The following AGMO variants were observed in gnomAD, a reference collection of about 807,000 sequenced individuals.
AGMO encodes glyceryl-ether monooxygenase.
In AGMO, 75 loss-of-function variants were observed where a neutral mutation model predicts 60.2. The ratio of observed to expected loss-of-function variants is 1.25; its 90% CI spans 1.03 to 1.51. AGMO has a LOEUF of 1.51. Ranked by LOEUF, AGMO falls within the 40% of genes most tolerant of loss-of-function variation. AGMO has a pLI of 0.00. For missense variants in AGMO, 763 were observed against 525.5 expected (o/e 1.45, Z -4.42); for synonymous variants, 261 against 177.1 (o/e 1.47, Z -3.76).
chr7:15,141,522 G>C, the AGMO span, among the ~76,000 whole-genome samples: 1 of 152,150 alleles, frequency 6.6e-6, no homozygotes, highest in Admixed American at 6.5e-5. Context: ...GGAGGCAGCG[G>C]TTGCAGTGAG....
intron 3 of AGMO, among the ~76,000 whole-genome samples, chr7:15,530,709 AT>A (rs1784289447): frequency 7.0e-6 from 1 of 142,406 alleles, no homozygotes; most frequent in Non-Finnish European, 1.5e-5. Context: ...TATATTCTAT[AT>A]ATACATTTCT....
chr7:15,312,695 C>A (rs1396427385), intron 12 of AGMO, among the ~76,000 whole-genome samples: 1 of 151,746 alleles, frequency 6.6e-6, no homozygotes, highest in Non-Finnish European at 1.5e-5. Context: ...TTTGTTTTTT[C>A]CCCCCGAGAC....
intron 3 of AGMO, among the ~76,000 whole-genome samples, chr7:15,492,815 C>G (rs1308771856): frequency 1.3e-5 from 2 of 152,056 alleles, no homozygotes; most frequent in African/African-American, 4.8e-5. Context: ...CTTCTGCAAT[C>G]CTGCTTCTGT....
At chr7:15,205,234 T>C (rs1781410585) in intron 12 of AGMO, among the ~76,000 whole-genome samples, 1 of 152,190 alleles carries the variant, frequency 6.6e-6, no homozygotes, top group Non-Finnish European at 1.5e-5. Context: ...AAATATCACT[T>C]TGTGCAGTGG....
intron 2 of AGMO, among the ~76,000 whole-genome samples, chr7:15,548,374 T>C (rs537227651): frequency 1.5e-4 from 22 of 151,638 alleles, no homozygotes; most frequent in South Asian, 4.2e-4. Flanking sequence ...CTCTGAGCTA[T>C]GGGAGGACAT....
intron 3 of AGMO, among the ~76,000 whole-genome samples, chr7:15,497,809 T>C (rs1457572830): frequency 6.6e-6 from 1 of 152,078 alleles, no homozygotes. Context: ...TGGGTCCATC[T>C]CTAAGATATT....
chr7:15,461,049 C>A (rs73290404), intron 3 of AGMO, among the ~76,000 whole-genome samples: 7,500 of 151,982 alleles, frequency 0.049, 607 homozygotes, highest in African/African-American at 0.17. Context: ...GATGTATTTC[C>A]TGCTCTAATA....
chr7:15,431,916 G>A (rs1419918268), intron 3 of AGMO, among the ~76,000 whole-genome samples: 1 of 151,742 alleles, frequency 6.6e-6, no homozygotes, highest in Non-Finnish European at 1.5e-5. Flanking sequence ...GATCCCCTAA[G>A]TAGTTGACAC....
At chr7:15,400,273 C>T (rs1231653758) in intron 5 of AGMO, among the ~76,000 whole-genome samples, 1 of 151,998 alleles carries the variant, frequency 6.6e-6, no homozygotes, top group Admixed American at 6.6e-5. Context: ...TGATTATCAC[C>T]ACCCCCCCAA....
intron 3 of AGMO, among the ~76,000 whole-genome samples, chr7:15,451,604 A>T (rs921764324): frequency 2.0e-5 from 3 of 151,982 alleles, no homozygotes; most frequent in African/African-American, 7.3e-5. Flanking sequence ...ATTTTCTATG[A>T]CCCCTCTATT....
intron 12 of AGMO, among the ~76,000 whole-genome samples, chr7:15,267,455 T>C (rs570054373): frequency 1.3e-4 from 20 of 152,130 alleles, no homozygotes; most frequent in South Asian, 1.2e-3. Context: ...AATGATTACA[T>C]TGACATGCAC....
chr7:15,131,464 G>A, the AGMO span, among the ~76,000 whole-genome samples: 3 of 152,038 alleles, frequency 2.0e-5, no homozygotes, highest in Non-Finnish European at 4.4e-5. Flanking sequence ...ACTCTTGTTA[G>A]TGACAGGGAA....
chr7:15,139,155 C>T, the AGMO span, among the ~76,000 whole-genome samples: 5 of 152,248 alleles, frequency 3.3e-5, no homozygotes, highest in African/African-American at 1.2e-4. Flanking sequence ...TATGTAACTC[C>T]AGGTAACATA....
intron 3 of AGMO, among the ~76,000 whole-genome samples, chr7:15,436,435 G>A (rs1017377892): frequency 5.3e-5 from 8 of 152,112 alleles, no homozygotes; most frequent in African/African-American, 1.9e-4. Flanking sequence ...ACTCGCAAAA[G>A]CCCTTTTATA....
chr7:15,350,530 C>A (rs1181846887), intron 12 of AGMO, among the ~76,000 whole-genome samples: 1 of 152,002 alleles, frequency 6.6e-6, no homozygotes, highest in Non-Finnish European at 1.5e-5. Context: ...TACAGTCACA[C>A]CTGATACCTA....
intron 3 of AGMO, among the ~76,000 whole-genome samples, chr7:15,508,913 T>C (rs1259735386): frequency 6.6e-6 from 1 of 152,152 alleles, no homozygotes; most frequent in Admixed American, 6.6e-5. Flanking sequence ...TTCTACATAA[T>C]TTAGTTTATT....
the AGMO span, among the ~76,000 whole-genome samples, chr7:15,123,328 A>C: frequency 6.6e-6 from 1 of 152,086 alleles, no homozygotes. Flanking sequence ...TTTAGCTATT[A>C]AGTATGTTGC....
At chr7:15,157,230 CTCTTT>C in the AGMO span, among the ~76,000 whole-genome samples, 2 of 152,240 alleles carry the variant, frequency 1.3e-5, no homozygotes, top group East Asian at 3.9e-4. Flanking sequence ...CTCTTACTCT[CTCTTT>C]TATCAAATGA....
At chr7:15,292,431 G>T (rs963160779) in intron 12 of AGMO, among the ~76,000 whole-genome samples, 9 of 152,246 alleles carry the variant, frequency 5.9e-5, no homozygotes, top group African/African-American at 1.9e-4. Context: ...CAAGGAAAAC[G>T]TAAGATTGGT....
Sources: allele counts gnomAD v4.1 joint callset (sites outside exome capture counted in the v4.1 genomes callset), GRCh38; gene constraint gnomAD v4.1.1; transcripts MANE v1.5; gene names NCBI Gene and HGNC (gene_info 2026-07-23, HGNC 2026-07-21).